Variants in CDK6 observed in about 807,000 individuals in gnomAD.
The protein encoded by CDK6 is cyclin dependent kinase 6.
Under a neutral mutation model 37.1 loss-of-function variants are expected in CDK6, and 6 were observed. That is an observed-to-expected ratio of 0.16 (90% CI 0.09 to 0.32). CDK6 has a LOEUF of 0.32. CDK6 is among the 10% of genes least tolerant of loss of function. The pLI is 1.00. For synonymous variants in CDK6, 160 were observed against 161.3 expected, an observed-to-expected ratio of 0.99 and a Z score of 0.06; for missense variants, 224 against 418.9, an observed-to-expected ratio of 0.53 and a Z score of 4.06.
At chr7:92,819,709 A>G (rs1801122521) in intron 2 of CDK6, among the ~76,000 whole-genome samples, 1 of 152,144 alleles carries the variant, frequency 6.6e-6, no homozygotes, top group Non-Finnish European at 1.5e-5. Flanking sequence ...AAGAAATATT[A>G]CAGAAAACCA....
chr7:92,768,649 T>C (rs1454923970), intron 3 of CDK6, among the ~76,000 whole-genome samples: 1 of 152,214 alleles, frequency 6.6e-6, no homozygotes. Context: ...GGTAGAGTAT[T>C]TGTTCTTTGA....
intron 5 of CDK6, among the ~76,000 whole-genome samples, chr7:92,641,342 T>C (rs1428268298): frequency 1.3e-5 from 2 of 152,210 alleles, no homozygotes. Flanking sequence ...TCTCCCACTT[T>C]ATTTATATCA....
chr7:92,773,180 T>C (rs920882054), intron 3 of CDK6, among the ~76,000 whole-genome samples: 5 of 152,152 alleles, frequency 3.3e-5, no homozygotes, highest in Non-Finnish European at 5.9e-5. Context: ...ATACATGAGA[T>C]ATGTACATTA....
intron 5 of CDK6, among the ~76,000 whole-genome samples, chr7:92,663,684 G>C (rs1796888338): frequency 6.6e-6 from 1 of 150,786 alleles, no homozygotes; most frequent in Admixed American, 6.6e-5. Context: ...CTGGGCAACA[G>C]AGCGAGACTC....
chr7:92,696,896 G>T (rs527336687), intron 4 of CDK6, among the ~76,000 whole-genome samples: 1 of 152,186 alleles, frequency 6.6e-6, no homozygotes, highest in South Asian at 2.1e-4. Context: ...AAATTTAACC[G>T]ATTCGCAAAA....
chr7:92,718,810 CTCTGTT>C (rs1201951346), intron 4 of CDK6, among the ~76,000 whole-genome samples: 3 of 152,298 alleles, frequency 2.0e-5, no homozygotes, highest in Non-Finnish European at 1.5e-5. Flanking sequence ...TTGCATTTAT[CTCTGTT>C]TCTAACTAGA....
intron 4 of CDK6, among the ~76,000 whole-genome samples, chr7:92,706,892 A>G (rs1361877940): frequency 6.6e-6 from 1 of 152,236 alleles, no homozygotes; most frequent in Non-Finnish European, 1.5e-5. Flanking sequence ...TGGAAAAAAT[A>G]CATTTTATTT....
At chr7:92,716,348 G>T (rs1376775583) in intron 4 of CDK6, among the ~76,000 whole-genome samples, 2 of 152,178 alleles carry the variant, frequency 1.3e-5, no homozygotes, top group Non-Finnish European at 2.9e-5. Flanking sequence ...AAGGTAGGTT[G>T]GAGCTGAGCT....
At chr7:92,740,115 T>C (rs1798884026) in intron 3 of CDK6, among the ~76,000 whole-genome samples, 1 of 152,178 alleles carries the variant, frequency 6.6e-6, no homozygotes, top group Admixed American at 6.5e-5. Context: ...CACTGTTCAC[T>C]ATAAGACAAA....
intron 2 of CDK6, among the ~76,000 whole-genome samples, chr7:92,814,555 C>CAAAAAAAAAAAAAAAAAAAAAA (rs201939605): frequency 2.9e-5 from 2 of 70,042 alleles, no homozygotes; most frequent in Non-Finnish European, 6.8e-5. Context: ...AACTGAATTG[C>CAAAAAAAAAAAAAAAAAAAAAA]AAAAAAAAAA....
intron 3 of CDK6, among the ~76,000 whole-genome samples, chr7:92,768,504 C>T (rs943027342): frequency 1.3e-5 from 2 of 152,114 alleles, no homozygotes; most frequent in Non-Finnish European, 2.9e-5. Context: ...AAAATTATTT[C>T]CTGTTACTAT....
chr7:92,764,982 C>T (rs1799544927), intron 3 of CDK6, among the ~76,000 whole-genome samples: 3 of 152,008 alleles, frequency 2.0e-5, no homozygotes, highest in South Asian at 4.2e-4. Context: ...TATATATGGG[C>T]ATCTGAAATT....
intron 4 of CDK6, among the ~76,000 whole-genome samples, chr7:92,710,184 A>C (rs1798056153): frequency 6.6e-6 from 1 of 152,168 alleles, no homozygotes; most frequent in Non-Finnish European, 1.5e-5. Flanking sequence ...TTTGGGTAGC[A>C]ATATGCTTAT....
intron 4 of CDK6, among the ~76,000 whole-genome samples, chr7:92,675,186 C>G (rs1797176005): frequency 6.6e-6 from 1 of 152,158 alleles, no homozygotes; most frequent in Non-Finnish European, 1.5e-5. Flanking sequence ...GTAAGGCTGA[C>G]TGTCTTCATT....
intron 5 of CDK6, among the ~76,000 whole-genome samples, chr7:92,642,798 G>T (rs1186221284): frequency 1.3e-5 from 2 of 152,040 alleles, no homozygotes; most frequent in Non-Finnish European, 2.9e-5. Flanking sequence ...ACAACTAGAT[G>T]CTCCAAAGCT....
At chr7:92,774,571 T>A (rs146684323) in intron 3 of CDK6, 125 bp downstream of exon 3, 1 of 814,750 alleles carries the variant, frequency 1.2e-6, no homozygotes, top group Non-Finnish European at 1.8e-6. Context: ...TTTCTTTGAT[T>A]TTTTTAACTA....
At chr7:92,819,426 C>T (rs1036707351) in intron 2 of CDK6, among the ~76,000 whole-genome samples, 2 of 151,828 alleles carry the variant, frequency 1.3e-5, no homozygotes, top group Non-Finnish European at 2.9e-5. Context: ...TGGGATAATG[C>T]GAGTATTTTA....
chr7:92,725,272 T>G (rs1484163415), intron 4 of CDK6: 2 of 985,326 alleles, frequency 2.0e-6, no homozygotes, highest in Non-Finnish European at 2.4e-6. Context: ...TTGCTCGTGC[T>G]CTTTCTTCCC....
At chr7:92,820,279 G>C (rs1801139844) in intron 2 of CDK6, among the ~76,000 whole-genome samples, 1 of 152,132 alleles carries the variant, frequency 6.6e-6, no homozygotes, top group Non-Finnish European at 1.5e-5. Flanking sequence ...TTTTACAAAA[G>C]AAGGACTCCA....
Sources: allele counts gnomAD v4.1 joint callset (sites outside exome capture counted in the v4.1 genomes callset), GRCh38; gene constraint gnomAD v4.1.1; transcripts MANE v1.5; gene names NCBI Gene and HGNC (gene_info 2026-07-23, HGNC 2026-07-21).